The following PALLD variants were observed in gnomAD, a reference collection of about 807,000 sequenced individuals.
PALLD encodes palladin.
In PALLD, 61 loss-of-function variants were observed where a neutral mutation model predicts 123.5. The observed-to-expected ratio is 0.49, with a 90% confidence interval of 0.40 to 0.61. The LOEUF (loss-of-function observed/expected upper bound fraction) is 0.61. PALLD is among the 20% of genes least tolerant of loss of function. PALLD has a pLI of 0.00. For missense variants in PALLD, 1,273 were observed against 1,377.0 expected (o/e 0.92, Z 1.20); for synonymous variants, 465 against 496.4 (o/e 0.94, Z 0.84).
intron 10 of PALLD, among the ~76,000 whole-genome samples, chr4:168,726,586 T>C (rs1025151763): frequency 6.6e-6 from 1 of 152,108 alleles, no homozygotes; most frequent in African/African-American, 2.4e-5. Context: ...TCTTGCTTTG[T>C]TGCCCAGGCT....
At chr4:168,860,269 A>G (rs933254382) in intron 10 of PALLD, among the ~76,000 whole-genome samples, 1 of 152,222 alleles carries the variant, frequency 6.6e-6, no homozygotes, top group African/African-American at 2.4e-5. Context: ...ATGGTGGAGA[A>G]GGATCTGTTG....
intron 2 of PALLD, among the ~76,000 whole-genome samples, chr4:168,548,466 T>C (rs1490795849): frequency 1.3e-5 from 2 of 152,226 alleles, no homozygotes; most frequent in Non-Finnish European, 2.9e-5. Context: ...TGAGATGATT[T>C]TGAAGACAAA....
At chr4:168,505,246 T>C (rs1761891398) in intron 1 of PALLD, among the ~76,000 whole-genome samples, 1 of 152,232 alleles carries the variant, frequency 6.6e-6, no homozygotes, top group Non-Finnish European at 1.5e-5. Context: ...TCTTTTTCAA[T>C]GTGCAAGCAG....
At chr4:168,853,725 T>C (rs1581770379) in intron 10 of PALLD, among the ~76,000 whole-genome samples, 1 of 151,842 alleles carries the variant, frequency 6.6e-6, no homozygotes, top group Non-Finnish European at 1.5e-5. Flanking sequence ...GTGGGCCAGG[T>C]GAAGGAATTT....
At chr4:168,580,922 A>G (rs1362942177) in intron 2 of PALLD, among the ~76,000 whole-genome samples, 2 of 152,014 alleles carry the variant, frequency 1.3e-5, no homozygotes, top group African/African-American at 4.8e-5. Context: ...CCAAAAAATG[A>G]GAACATGTGG....
At chr4:168,706,733 C>A (rs1432924253) in intron 8 of PALLD, among the ~76,000 whole-genome samples, 1 of 151,974 alleles carries the variant, frequency 6.6e-6, no homozygotes, top group South Asian at 2.1e-4. Flanking sequence ...TGCCTATAGG[C>A]CATATTACTT....
At chr4:168,759,202 A>AATATATATATATAT (rs147474708) in intron 10 of PALLD, among the ~76,000 whole-genome samples, 3 of 22,290 alleles carry the variant, frequency 1.3e-4, no homozygotes, top group Middle Eastern at 0.042. Context: ...AAAAAAAAAA[A>AATATATATATATAT]ATATATATAT....
chr4:168,889,186 C>T (rs1363630682), intron 10 of PALLD, among the ~76,000 whole-genome samples: 5 of 71,492 alleles, frequency 7.0e-5, no homozygotes, highest in Admixed American at 1.5e-4. Flanking sequence ...TTTTTTTAGA[C>T]GGAGTCTTGC....
rs569445100 is a variant in PALLD, at chr4:168,504,159, C to T, written c.-83+6965C>T. Among the ~76,000 whole-genome samples the T allele has an allele frequency of 4.6e-5, 7 of 152,194 alleles. No individual in the cohort carries two copies. The South Asian group carries it at 8.3e-4, about 18-fold the overall frequency. ...CTCTTGCACAACTAAGCAGTTGTTC[C>T]GTTGATTTCATGTTCAACTTACTAT... On this transcript the variant is annotated intron_variant, in intron 1 of 21. Coordinates refer to ENST00000505667, the MANE Select transcript of PALLD (RefSeq NM_001166108.2).
At chr4:168,521,088 T>C (rs1422498413) in intron 2 of PALLD, among the ~76,000 whole-genome samples, 1 of 152,178 alleles carries the variant, frequency 6.6e-6, no homozygotes, top group Non-Finnish European at 1.5e-5. Flanking sequence ...ATTTGTGGTG[T>C]TTCAGTAGAA....
Position 168,658,284 on chromosome 4 carries a change from G to GTTTTTTTTTTTTTTTT in PALLD, c.909-9906_909-9905insTTTTTTTTTTTTTTTT, listed in dbSNP as rs755942969. ...TTTTGTTGGTGGTGGGTTTTTATTT[G>GTTTTTTTTTTTTTTTT]GTTTTTTTTTTTTTTTTTGTGATGA... On this transcript the variant is annotated intron_variant, in intron 2 of 21. Coordinates refer to ENST00000505667, the MANE Select transcript of PALLD (RefSeq NM_001166108.2). Among the ~76,000 whole-genome samples the GTTTTTTTTTTTTTTTT allele has an allele frequency of 4.7e-4, 57 of 120,714 alleles. 2 individuals carry two copies. The highest frequency in any genetic ancestry group is 1.1e-3 in the Admixed American group (13 of 11,738). The allele number at this position is 120,714 out of a possible 152,430, so 79.2% of individuals were successfully genotyped here.
intron 8 of PALLD, among the ~76,000 whole-genome samples, chr4:168,708,001 T>C (rs570396002): frequency 1.4e-3 from 220 of 152,350 alleles, no homozygotes; most frequent in African/African-American, 5.2e-3. Flanking sequence ...CTAAGCACAG[T>C]ATGTCATATC....
chr4:168,542,449 C>A (rs192149010), intron 2 of PALLD, among the ~76,000 whole-genome samples: 1 of 151,380 alleles, frequency 6.6e-6, no homozygotes, highest in Non-Finnish European at 1.5e-5. Flanking sequence ...AACTGCTGCA[C>A]CCTATTAACA....
intron 10 of PALLD, among the ~76,000 whole-genome samples, chr4:168,760,652 G>A (rs1431480085): frequency 6.6e-6 from 1 of 152,100 alleles, no homozygotes; most frequent in Non-Finnish European, 1.5e-5. Flanking sequence ...GAAACCCCAT[G>A]TCTAACATCT....
At chr4:168,576,290 GT>G (rs1769575982) in intron 2 of PALLD, among the ~76,000 whole-genome samples, 1 of 151,754 alleles carries the variant, frequency 6.6e-6, no homozygotes. Context: ...ACAACGTGCA[GT>G]TTAGTTACAT....
At chr4:168,710,275 T>A (rs974430168) in intron 9 of PALLD, among the ~76,000 whole-genome samples, 2 of 142,002 alleles carry the variant, frequency 1.4e-5, no homozygotes, top group South Asian at 4.6e-4. Flanking sequence ...ACAGCTTTTT[T>A]TCTTTTTCTT....
At position 168,511,882 on chromosome 4, in the gene PALLD, C is replaced by T. The variant is rs1334191721; in HGVS notation, c.378C>T (p.Pro126=). 1 of 1,614,012 alleles carries T rather than the reference C, an allele frequency of 6.2e-7. No homozygotes were observed. Among genetic ancestry groups the T allele is most frequent in the Non-Finnish European group, 8.5e-7 (1 of 1,180,018 alleles). ...PVSKRKPAMS[P]LLTRPSYIRS... is the part of the protein sequence containing the mutation. ...CAAAGAGGAAACCTGCCATGTCACC[C>T]CTGCTCACCAGGCCCAGCTACATCC... The change falls in exon 2 of 22, where the codon CCC becomes CCT. Residue 126 remains proline, a synonymous_variant. Transcript: ENST00000505667.
intron 2 of PALLD, among the ~76,000 whole-genome samples, chr4:168,524,356 T>C (rs1763849698): frequency 6.6e-6 from 1 of 152,228 alleles, no homozygotes; most frequent in Admixed American, 6.5e-5. Flanking sequence ...AAAAATAACA[T>C]ACTAAGATAT....
At chr4:168,587,574 C>T (rs1770961138) in intron 2 of PALLD, among the ~76,000 whole-genome samples, 1 of 152,108 alleles carries the variant, frequency 6.6e-6, no homozygotes, top group Non-Finnish European at 1.5e-5. Context: ...GACAGCTGTG[C>T]CAGCATCTCC....
Sources: gnomAD v4.1 joint callset for allele counts (sites outside exome capture counted in the v4.1 genomes callset) on GRCh38, gnomAD v4.1.1 for gene constraint, MANE v1.5 for transcripts, NCBI Gene and HGNC (gene_info 2026-07-23, HGNC 2026-07-21) for gene names.